The following MKRN2OS variants were observed in gnomAD, a reference collection of about 807,000 sequenced individuals.
The protein encoded by MKRN2OS is MKRN2 opposite strand protein.
In MKRN2OS, 17 loss-of-function variants were observed where a neutral mutation model predicts 18.2. That is an observed-to-expected ratio of 0.93 (90% CI 0.64 to 1.40). The LOEUF (loss-of-function observed/expected upper bound fraction) is 1.40. MKRN2OS is among the 40% of genes most tolerant of loss of function. The probability of loss-of-function intolerance (pLI) is 0.00; values close to 1 mark genes in which losing one functional copy is unlikely to be tolerated. For missense variants in MKRN2OS, 337 were observed against 283.0 expected (o/e 1.19, Z -1.37); for synonymous variants, 121 against 108.5 (o/e 1.12, Z -0.72).
At chr3:12,560,924 A>C (rs2058032178) in exon 1 of MKRN2OS, 1 of 152,246 alleles carries the variant, frequency 6.6e-6, no homozygotes, top group South Asian at 2.1e-4. Flanking sequence ...GGCTTGGAGT[A>C]AGATCAGTAT....
At chr3:12,553,241 A>T (rs1296985251), downstream of MKRN2OS, among the ~76,000 whole-genome samples, 1 of 152,152 alleles carries the variant, frequency 6.6e-6, no homozygotes, top group Non-Finnish European at 1.5e-5. Context: ...CTACAGACTA[A>T]TATCTCTCAT....
chr3:12,547,211 A>G (rs1475380406), upstream of MKRN2OS, among the ~76,000 whole-genome samples: 1 of 152,202 alleles, frequency 6.6e-6, no homozygotes, highest in African/African-American at 2.4e-5. Context: ...ACCATATTCT[A>G]CTTTCTGGAG....
chr3:12,543,086 C>A, intron 2 of MKRN2OS, 94 bp downstream of exon 2: 2 of 997,086 alleles, frequency 2.0e-6, no homozygotes, highest in South Asian at 3.0e-5. Context: ...ACAATGGAAT[C>A]ACTTATTAGA....
At chr3:12,543,322 T>C (rs2057841616) in intron 1 of MKRN2OS, 93 bp from the exon 2 acceptor site, 8 of 1,068,252 alleles carry the variant, frequency 7.5e-6, no homozygotes, top group Middle Eastern at 2.8e-4. Context: ...CACAGTGGCT[T>C]AGACCTGTAA....
At chr3:12,557,122 CACG>C in intron 1 of MKRN2OS, 1 of 1,494,258 alleles carries the variant, frequency 6.7e-7, no homozygotes, top group Non-Finnish European at 8.9e-7. Flanking sequence ...GAGGCGGCGG[CACG>C]ACGACGGTCC....
chr3:12,557,766 A>G (rs1350323732), intron 1 of MKRN2OS, among the ~76,000 whole-genome samples: 1 of 152,246 alleles, frequency 6.6e-6, no homozygotes, highest in South Asian at 2.1e-4. Context: ...CTTCACAGTA[A>G]GACAACTTAG....
At chr3:12,557,372 C>T (rs1460611144) in intron 1 of MKRN2OS, among the ~76,000 whole-genome samples, 2 of 152,208 alleles carry the variant, frequency 1.3e-5, no homozygotes, top group African/African-American at 2.4e-5. Flanking sequence ...GTGGCCGAGA[C>T]GCTGGGCGAG....
At chr3:12,549,776 C>T (rs2057915174), upstream of MKRN2OS, among the ~76,000 whole-genome samples, 1 of 152,182 alleles carries the variant, frequency 6.6e-6, no homozygotes, top group Non-Finnish European at 1.5e-5. Context: ...TTGTCTTGAA[C>T]TCCTGGACTC....
upstream of MKRN2OS, among the ~76,000 whole-genome samples, chr3:12,548,785 C>T (rs2057907387): frequency 6.6e-6 from 1 of 152,128 alleles, no homozygotes; most frequent in Non-Finnish European, 1.5e-5. Flanking sequence ...CTTTAATAAA[C>T]ATTTTAAATA....
chr3:12,557,255 G>C, intron 1 of MKRN2OS: 2 of 1,494,070 alleles, frequency 1.3e-6, no homozygotes, highest in South Asian at 1.2e-5. Context: ...GCTGTGGTCC[G>C]GGAACCTGAG....
At chr3:12,557,207 C>T (rs578236861) in intron 1 of MKRN2OS, 32 of 1,531,950 alleles carry the variant, frequency 2.1e-5, no homozygotes, top group Non-Finnish European at 2.5e-5. Context: ...AGCTTCGGGC[C>T]GCTCCCCCAG....
chr3:12,546,575 A>ATTTTTTTTTT (rs1160434615), upstream of MKRN2OS, among the ~76,000 whole-genome samples: 40 of 97,102 alleles, frequency 4.1e-4, 4 homozygotes, highest in African/African-American at 1.2e-3. Flanking sequence ...GGTACATGGG[A>ATTTTTTTTTT]TTTTTTTTTT....
chr3:12,546,060 G>C (rs893828395), upstream of MKRN2OS, among the ~76,000 whole-genome samples: 1 of 152,050 alleles, frequency 6.6e-6, no homozygotes, highest in Non-Finnish European at 1.5e-5. Context: ...CCAAAGAGCT[G>C]GAATTACACG....
At chr3:12,557,063 C>T (rs1292537724) in intron 1 of MKRN2OS, 20 of 1,246,752 alleles carry the variant, frequency 1.6e-5, no homozygotes, top group Non-Finnish European at 2.1e-5. Context: ...GACGCGGCTA[C>T]GCGGGATGGG....
chr3:12,559,705 A>G (rs2058020313), intron 1 of MKRN2OS, among the ~76,000 whole-genome samples: 1 of 152,142 alleles, frequency 6.6e-6, no homozygotes, highest in Non-Finnish European at 1.5e-5. Flanking sequence ...TGATTCCTTG[A>G]CATGCCGCTC....
At chr3:12,552,101 C>G (rs183727012), downstream of MKRN2OS, among the ~76,000 whole-genome samples, 338 of 151,780 alleles carry the variant, frequency 2.2e-3, 2 homozygotes, top group Non-Finnish European at 3.5e-3. Flanking sequence ...AGGTGAATCA[C>G]CAAGTCAGGA....
chr3:12,557,232 G>C, intron 1 of MKRN2OS: 1 of 1,516,842 alleles, frequency 6.6e-7, no homozygotes, highest in Non-Finnish European at 8.8e-7. Context: ...CAGGGGGGCC[G>C]GTGCGCGCCA....
chr3:12,540,062 G>A lies in MKRN2OS; in HGVS notation c.*131C>T, dbSNP rs150136509. On this transcript the variant is annotated 3_prime_UTR_variant, in exon 4 of 4. Coordinates refer to ENST00000564146, the MANE Select transcript of MKRN2OS (RefSeq NM_001195279.2). ...AGCTTCCCAAAGTGCTGGGATTACAGGTGTGAGCCACCATGCCCGGCCCAT... is the reference window on the plus strand; with the variant it reads ...AGCTTCCCAAAGTGCTGGGATTACAAGTGTGAGCCACCATGCCCGGCCCAT... The A allele has an allele frequency of 1.0e-3, 1,338 of 1,329,692 alleles. 8 individuals carry two copies. The African/African-American group carries it at 0.016, about 16-fold the overall frequency. The allele number at this position is 1,329,692 out of a possible 1,614,324, so 82.4% of individuals were successfully genotyped here. A position where few individuals can be genotyped will look rare whatever the true frequency, so the allele number is the denominator to read the frequency against.
downstream of MKRN2OS, among the ~76,000 whole-genome samples, chr3:12,551,394 C>A (rs541041836): frequency 5.7e-4 from 87 of 151,796 alleles, 1 homozygote; most frequent in African/African-American, 2.0e-3. Context: ...ACTCGGGAGG[C>A]TGAGGCAGGA....
Sources: allele counts gnomAD v4.1 joint callset (sites outside exome capture counted in the v4.1 genomes callset), GRCh38; gene constraint gnomAD v4.1.1; transcripts MANE v1.5; gene names NCBI Gene and HGNC (gene_info 2026-07-23, HGNC 2026-07-21).